CRBN: variants seen among roughly 807,000 people sequenced by gnomAD.
The protein encoded by CRBN is protein cereblon.
CRBN carries 53 observed loss-of-function variants against 62.2 expected under a neutral mutation model. The ratio of observed to expected loss-of-function variants is 0.85; its 90% CI spans 0.68 to 1.07. CRBN has a LOEUF of 1.07. CRBN is among the 50% of genes least tolerant of loss of function. The pLI is 0.00. For missense variants in CRBN, 616 were observed against 531.1 expected (o/e 1.16, Z -1.57); for synonymous variants, 208 against 176.1 (o/e 1.18, Z -1.43).
chr3:3,175,276 A>G lies in CRBN; in HGVS notation c.68-7T>C, dbSNP rs1249355421. ...TCTTCTTCCTCACTCTCTGCTATAA[A>G]AGTAGAATATTGTAAGAAAAAAAAA... On this transcript the variant is annotated splice_region_variant and splice_polypyrimidine_tract_variant and intron_variant, in intron 1 of 10. Coordinates refer to ENST00000231948, the MANE Select transcript of CRBN (RefSeq NM_016302.4). 6.4e-7 allele frequency: 1 copy of G among 1,572,702 alleles called. No individual in the cohort carries two copies. Among genetic ancestry groups the G allele is most frequent in the African/African-American group, 1.4e-5 (1 of 74,042 alleles).
chr3:3,157,071 ATAATT>A (rs1341443493), intron 5 of CRBN, among the ~76,000 whole-genome samples: 1 of 152,214 alleles, frequency 6.6e-6, no homozygotes, highest in African/African-American at 2.4e-5. Flanking sequence ...ATTTATAAGT[ATAATT>A]TAAAGTTCGT....
rs1387905201 is a variant in CRBN, at chr3:3,150,259, G to GACA, written c.*603_*605dup. On this transcript the variant is annotated 3_prime_UTR_variant, in exon 11 of 11. Transcript: ENST00000231948. ...TTACTAACAGGCACATAAAGGAAAT[G>GACA]ACAACTATTCGTGGGCTCAAAAAAC... The GACA allele has an allele frequency of 6.6e-6, 1 of 152,498 alleles. No homozygotes were observed. The highest frequency in any genetic ancestry group is 1.5e-5 in the Non-Finnish European group (1 of 68,368). 9.4% of individuals were successfully genotyped at this position (152,498 alleles called of 1,614,324 possible). A position where few individuals can be genotyped will look rare whatever the true frequency, so the allele number is the denominator to read the frequency against.
intron 5 of CRBN, 97 bp downstream of exon 5, chr3:3,167,537 G>A (rs1469929048): frequency 1.2e-5 from 14 of 1,182,206 alleles, no homozygotes; most frequent in South Asian, 2.6e-5. Flanking sequence ...CAAGGTGGCT[G>A]GGTAATGAAT....
At chr3:3,165,234 T>C (rs180832198) in intron 5 of CRBN, among the ~76,000 whole-genome samples, 58 of 152,364 alleles carry the variant, frequency 3.8e-4, no homozygotes, top group South Asian at 2.1e-3. Flanking sequence ...CTGAAGATGT[T>C]GTGAATGTTG....
At chr3:3,161,789 G>A (rs76725477) in intron 5 of CRBN, among the ~76,000 whole-genome samples, 1 of 152,108 alleles carries the variant, frequency 6.6e-6, no homozygotes, top group African/African-American at 2.4e-5. Flanking sequence ...TATATAAAAG[G>A]TCATTTGTAC....
At chr3:3,175,808 T>G (rs1003127798) in intron 1 of CRBN, among the ~76,000 whole-genome samples, 2 of 152,148 alleles carry the variant, frequency 1.3e-5, no homozygotes, top group Admixed American at 6.5e-5. Context: ...CAACTGGGTT[T>G]TGTTTGATGT....
chr3:3,153,412 T>C lies in CRBN; in HGVS notation c.1016+12A>G, dbSNP rs1357147653. On this transcript the variant is annotated intron_variant, in intron 9 of 10. Coordinates refer to ENST00000231948, the MANE Select transcript of CRBN (RefSeq NM_016302.4). ...TAAGGCAAGTATATTAAAAACGTAATAAAGACCTTACCTGAATATTTCATT... is the reference window on the plus strand; with the variant it reads ...TAAGGCAAGTATATTAAAAACGTAACAAAGACCTTACCTGAATATTTCATT... The C allele has an allele frequency of 1.4e-6, 2 of 1,423,112 alleles. No homozygotes were observed. Among genetic ancestry groups the C allele is most frequent in the Admixed American group, 1.7e-5 (1 of 59,694 alleles). The allele number at this position is 1,423,112 out of a possible 1,614,324, so 88.2% of individuals were successfully genotyped here.
intron 5 of CRBN, among the ~76,000 whole-genome samples, chr3:3,162,694 ACTTTAAGTT>A (rs557374916): frequency 0.015 from 2,276 of 152,326 alleles, 20 homozygotes; most frequent in Non-Finnish European, 0.022. Flanking sequence ...AATCCTCGAT[ACTTTAAGTT>A]CCTTTTCTGC....
chr3:3,176,270 G>C (rs1212373995), intron 1 of CRBN, among the ~76,000 whole-genome samples: 1 of 152,150 alleles, frequency 6.6e-6, no homozygotes, highest in Non-Finnish European at 1.5e-5. Context: ...GCTTCAACAA[G>C]TCAACCTCTA....
intron 5 of CRBN, among the ~76,000 whole-genome samples, chr3:3,160,874 C>T (rs940531025): frequency 2.6e-5 from 4 of 152,124 alleles, no homozygotes; most frequent in African/African-American, 9.7e-5. Flanking sequence ...ATGGTGGCAT[C>T]TCAAATCAAT....
chr3:3,176,318 ATAAG>A (rs1378007811), intron 1 of CRBN, among the ~76,000 whole-genome samples: 1 of 152,246 alleles, frequency 6.6e-6, no homozygotes, highest in Admixed American at 6.5e-5. Flanking sequence ...CAGTTCCTAC[ATAAG>A]TAAGAAAAGA....
intron 10 of CRBN, among the ~76,000 whole-genome samples, chr3:3,152,135 A>C (rs1706601043): frequency 6.8e-6 from 1 of 146,728 alleles, no homozygotes; most frequent in South Asian, 2.2e-4. Flanking sequence ...TGTGGAATGA[A>C]GGACATTTAA....
chr3:3,179,610 C>T lies in CRBN; in HGVS notation c.67+11G>A, dbSNP rs1169462312. 3 of 1,613,268 alleles carry T rather than the reference C, an allele frequency of 1.9e-6. No homozygotes were observed. The highest frequency in any genetic ancestry group is 1.7e-5 in the Admixed American group (1 of 60,012). On this transcript the variant is annotated intron_variant, in intron 1 of 10. Transcript: ENST00000231948. ...CACTCCCGACTACAGGGAACTACTC[C>T]GGGCGGTTACCAGGCAGGAGCGGCA...
chr3:3,169,792 A>T (rs1344849579), intron 4 of CRBN, among the ~76,000 whole-genome samples: 2 of 152,120 alleles, frequency 1.3e-5, no homozygotes, highest in African/African-American at 2.4e-5. Context: ...CAGGTAAGAG[A>T]TCTTCTCTTG....
chr3:3,156,321 A>T, intron 5 of CRBN, 40 bp from the exon 6 acceptor site: 1 of 1,553,394 alleles, frequency 6.4e-7, no homozygotes, highest in Non-Finnish European at 8.9e-7. Context: ...AACCCCACAG[A>T]ATAAAGATTC....
Position 3,151,065 on chromosome 3 carries a change from T to G in CRBN, c.1149-20A>C, listed in dbSNP as rs771387577. On this transcript the variant is annotated intron_variant, in intron 10 of 10. Coordinates refer to ENST00000231948, the MANE Select transcript of CRBN (RefSeq NM_016302.4). ...GCATACCTAAGAAATTAAGGAAAGA[T>G]ATCAGCTAAGGAAACATTTCTGTAC... 3 of 1,613,062 alleles carry G rather than the reference T, an allele frequency of 1.9e-6. No individual in the cohort carries two copies. The highest frequency in any genetic ancestry group is 2.7e-5 in the African/African-American group (2 of 74,986).
chr3:3,176,550 A>G (rs1707830855), intron 1 of CRBN, among the ~76,000 whole-genome samples: 1 of 152,176 alleles, frequency 6.6e-6, no homozygotes, highest in Non-Finnish European at 1.5e-5. Context: ...AGCCTGGCCA[A>G]CATGTTGCAA....
chr3:3,159,299 A>G (rs1707038941), intron 5 of CRBN, among the ~76,000 whole-genome samples: 1 of 152,170 alleles, frequency 6.6e-6, no homozygotes, highest in South Asian at 2.1e-4. Flanking sequence ...TTTTAGAGAG[A>G]AGAAGCTATA....
Position 3,154,804 on chromosome 3 carries a change from G to C in CRBN, c.778C>G (p.Gln260Glu), listed in dbSNP as rs761198730. Residue 260 changes from glutamine to glutamate, a missense_variant, in exon 7 of 11, where the codon CAG (glutamine) becomes GAG (glutamate). Coordinates refer to ENST00000231948, the MANE Select transcript of CRBN (RefSeq NM_016302.4). ...AGATTTTCATCCCATTCACGTAGCT[G>C]TTTCTTGATTCTGTCCATTAAGGTC... ...AETLMDRIKKQLREWDENLKD... is the reference protein window; with the variant it reads ...AETLMDRIKKELREWDENLKD... 3 of 1,603,612 alleles carry C rather than the reference G, an allele frequency of 1.9e-6. No homozygotes were observed. The Admixed American group carries it at 5.0e-5, about 27-fold the overall frequency.
Sources: gnomAD v4.1 joint callset for allele counts (sites outside exome capture counted in the v4.1 genomes callset) on GRCh38, gnomAD v4.1.1 for gene constraint, MANE v1.5 for transcripts, NCBI Gene and HGNC (gene_info 2026-07-23, HGNC 2026-07-21) for gene names.